The following NAA10 variants were observed in gnomAD, a reference collection of about 807,000 sequenced individuals.
NAA10 encodes N-alpha-acetyltransferase 10, NatA catalytic subunit.
NAA10 carries 6 observed loss-of-function variants against 19.2 expected under a neutral mutation model. The ratio of observed to expected loss-of-function variants is 0.31; its 90% confidence interval spans 0.17 to 0.62. The LOEUF (loss-of-function observed/expected upper bound fraction) is 0.62, where lower values mean the gene tolerates loss of function less well. Ranked by LOEUF, NAA10 falls within the 20% of genes least tolerant of loss-of-function variation. The probability of loss-of-function intolerance (pLI) is 0.83; values close to 1 mark genes in which losing one functional copy is unlikely to be tolerated. For missense variants in NAA10, 101 were observed against 198.4 expected, an observed-to-expected ratio of 0.51 and a Z score of 2.95; for synonymous variants, 97 against 79.9, an observed-to-expected ratio of 1.21 and a Z score of -1.14.
Position 153,929,995 on chromosome X carries a change from C to G in NAA10, c.700G>C (p.Ala234Pro). The G allele has an allele frequency of 8.3e-7, 1 of 1,208,920 alleles. No homozygotes were observed. The highest frequency in any genetic ancestry group is 1.1e-6 in the Non-Finnish European group (1 of 893,306). ...AGGGGATGGGGCAGGCTCTAGGAGG[C>G]TGAGTCGGAGGCCTCTGAGCTGTCC... ...VKDSSEASDS[A>P]S The change falls in exon 8 of 8, where the codon GCC becomes CCC. Residue 234 changes from alanine to proline, a missense_variant. This residue lies in a region of NAA10 where 58 missense variants were observed against 75.8 expected (regional missense o/e 0.77). Transcript: ENST00000464845.
chrX:153,934,940 G>C lies in NAA10; in HGVS notation c.-36C>G. The C allele has an allele frequency of 1.0e-6, 1 of 991,281 alleles. No homozygotes were observed. Among genetic ancestry groups the C allele is most frequent in the Non-Finnish European group, 1.3e-6 (1 of 778,029 alleles). 81.7% of individuals were successfully genotyped at this position (991,281 alleles called of 1,213,427 possible). On this transcript the variant is annotated 5_prime_UTR_variant, in exon 1 of 8. Coordinates refer to ENST00000464845, the MANE Select transcript of NAA10 (RefSeq NM_003491.4). Reference sequence around the variant, plus strand: ...GGGCTCGCGGGTCCCAGCGGATCGTGAAGGCGCAGTCAGCTGCCGCCGCGC... The same window carrying C: ...GGGCTCGCGGGTCCCAGCGGATCGTCAAGGCGCAGTCAGCTGCCGCCGCGC...
At chrX:153,934,707 G>T in intron 1 of NAA10, 177 bp downstream of exon 1, 1 of 613,928 alleles carries the variant, frequency 1.6e-6, no homozygotes, top group Non-Finnish European at 2.5e-6. Flanking sequence ...GGGAATCGCA[G>T]CCCCGGCCCC....
In NAA10 at chrX:153,929,328, G is replaced by A. The variant is rs989669280; in HGVS notation, c.*659C>T. ...CAAAATGTCAATGGGGAAACGCGGG[G>A]AATTGTACTAAAAATAAATTATTTT... On this transcript the variant is annotated 3_prime_UTR_variant, in exon 8 of 8. Transcript: ENST00000464845. 8.9e-6 allele frequency: 1 copy of A among 112,216 alleles called. No individual in the cohort carries two copies. Among genetic ancestry groups the A allele is most frequent in the Non-Finnish European group, 1.9e-5 (1 of 53,533 alleles). 9.2% of individuals were successfully genotyped at this position (112,216 alleles called of 1,213,427 possible).
At position 153,931,063 on chromosome X, in the gene NAA10, G is replaced by A. The variant is rs1381314291; in HGVS notation, c.387-216C>T. 4.5e-6 allele frequency: 5 copies of A among 1,123,409 alleles called. No homozygotes were observed. In the African/African-American group the frequency reaches 7.3e-5, roughly 16 times the overall value. 92.6% of individuals were successfully genotyped at this position (1,123,409 alleles called of 1,213,427 possible). A position where few individuals can be genotyped will look rare whatever the true frequency, so the allele number is the denominator to read the frequency against. On this transcript the variant is annotated intron_variant, in intron 6 of 7. Transcript: ENST00000464845. ...CCCACCCGTCCTGCCCCCGTTCTGT[G>A]TCCTTAGCCTGGATACTAAGGATCC...
At chrX:153,933,847 C>T in intron 3 of NAA10, 96 bp downstream of exon 3, 1 of 770,435 alleles carries the variant, frequency 1.3e-6, no homozygotes, top group South Asian at 2.3e-5. Context: ...AAACTTTCAA[C>T]TGTACTGAAA....
chrX:153,931,599 C>T, intron 6 of NAA10: 1 of 754,847 alleles, frequency 1.3e-6, no homozygotes, highest in Non-Finnish European at 1.6e-6. Context: ...CACGGGGCCT[C>T]CTGGTCCTCA....
chrX:153,935,005 C>G lies in NAA10; in HGVS notation c.-101G>C, dbSNP rs1299957392. On this transcript the variant is annotated 5_prime_UTR_variant, in exon 1 of 8. Transcript: ENST00000464845. ...GGGACGGCCGGGGCTGGGACCGGAG[C>G]TGGGCTCGCTGGGCGACGGCGGAAG... 1 of 774,644 alleles carries G rather than the reference C, an allele frequency of 1.3e-6. No individual in the cohort carries two copies. Among genetic ancestry groups the G allele is most frequent in the Non-Finnish European group, 1.6e-6 (1 of 622,910 alleles). The allele number at this position is 774,644 out of a possible 1,213,427, so 63.8% of individuals were successfully genotyped here. A position where few individuals can be genotyped will look rare whatever the true frequency, so the allele number is the denominator to read the frequency against.
chrX:153,932,201 C>G, intron 5 of NAA10, 86 bp from the exon 6 acceptor site: 1 of 1,172,980 alleles, frequency 8.5e-7, no homozygotes. Context: ...CTCCTGGTCC[C>G]TCCTTCCCCC....
chrX:153,932,214 A>T (rs1249783372), intron 5 of NAA10, 99 bp from the exon 6 acceptor site: 1 of 1,133,879 alleles, frequency 8.8e-7, no homozygotes, highest in African/African-American at 1.9e-5. Flanking sequence ...CTTCCCCCCA[A>T]TCCCACTTCC....
Position 153,930,439 on chromosome X carries a change from G to A in NAA10, c.472-216C>T, listed in dbSNP as rs138802589. On this transcript the variant is annotated intron_variant, in intron 7 of 7. Coordinates refer to ENST00000464845, the MANE Select transcript of NAA10 (RefSeq NM_003491.4). The stretch of plus-strand genomic sequence containing the variant: ...ACCATGGAGGCCCCCACGACAGAGC[G>A]CTGCCCCTTGACCAGCCCTGCCACC... 4,986 of 458,883 alleles carry A rather than the reference G, an allele frequency of 0.011. 188 individuals are homozygous for A. The highest frequency in any genetic ancestry group is 0.11 in the African/African-American group (4,335 of 41,039). The allele number at this position is 458,883 out of a possible 1,213,427, so 37.8% of individuals were successfully genotyped here.
chrX:153,932,483 C>T (rs373402350), intron 4 of NAA10, 52 bp from the exon 5 acceptor site: 8 of 1,191,483 alleles, frequency 6.7e-6, no homozygotes, highest in Non-Finnish European at 9.1e-6. Context: ...TTGAGGGCTG[C>T]CCCAACTAAC....
At chrX:153,932,457 G>A (rs782300077) in intron 4 of NAA10, 26 bp from the exon 5 acceptor site, 1 of 1,202,263 alleles carries the variant, frequency 8.3e-7, no homozygotes, top group East Asian at 3.0e-5. Context: ...CAGAGATGGG[G>A]TGAGGGACTG....
intron 7 of NAA10, chrX:153,930,543 C>A (rs1203808044): frequency 4.3e-6 from 2 of 462,794 alleles, no homozygotes; most frequent in Non-Finnish European, 7.5e-6. Flanking sequence ...GACCTCCCCA[C>A]TTCCCTTCTA....
intron 1 of NAA10, 178 bp from the exon 2 acceptor site, chrX:153,934,653 C>T (rs1444339410): frequency 8.9e-6 from 5 of 563,530 alleles, no homozygotes; most frequent in Non-Finnish European, 1.5e-5. Flanking sequence ...CCCCGGAGGT[C>T]CCCGGAGCCC....
chrX:153,932,810 G>A, intron 3 of NAA10: 1 of 438,055 alleles, frequency 2.3e-6, no homozygotes, highest in Non-Finnish European at 4.0e-6. Flanking sequence ...CCAGCTACTT[G>A]GCAGGCCGGG....
At chrX:153,930,264 A>G in intron 7 of NAA10, 41 bp from the exon 8 acceptor site, 1 of 1,135,351 alleles carries the variant, frequency 8.8e-7, no homozygotes, top group Non-Finnish European at 1.2e-6. Flanking sequence ...GCAAAGAGAC[A>G]GGGCCTAAGT....
rs1400251021 is a variant in NAA10 at position 153,935,023 on chromosome X, G to A, written c.-119C>T. 10 of 683,826 alleles carry A rather than the reference G, an allele frequency of 1.5e-5. No individual in the cohort carries two copies. Among genetic ancestry groups the A allele is most frequent in the Non-Finnish European group, 1.8e-5 (10 of 544,081 alleles). The allele number at this position is 683,826 out of a possible 1,213,427, so 56.4% of individuals were successfully genotyped here. On this transcript the variant is annotated 5_prime_UTR_variant, in exon 1 of 8. Coordinates refer to ENST00000464845, the MANE Select transcript of NAA10 (RefSeq NM_003491.4). Reference sequence around the variant, plus strand: ...ACCGGAGCTGGGCTCGCTGGGCGACGGCGGAAGGGGCGGTGCGCGCCGGGC... The same window carrying A: ...ACCGGAGCTGGGCTCGCTGGGCGACAGCGGAAGGGGCGGTGCGCGCCGGGC...
chrX:153,931,155 CCT>C, intron 6 of NAA10: 3 of 992,383 alleles, frequency 3.0e-6, no homozygotes, highest in Non-Finnish European at 3.8e-6. Flanking sequence ...TGCCCTGCGC[CCT>C]GTCCCTTACT....
At chrX:153,933,732 G>C in intron 3 of NAA10, 1 of 400,824 alleles carries the variant, frequency 2.5e-6, no homozygotes, top group Non-Finnish European at 4.3e-6. Context: ...CTTGTCACAA[G>C]TGGACCACAC....
Sources: gnomAD v4.1 joint callset for allele counts on GRCh38, gnomAD v4.1.1 for gene constraint, gnomAD v4.1.1 regional missense constraint, MANE v1.5 for transcripts, NCBI Gene and HGNC (gene_info 2026-07-23, HGNC 2026-07-21) for gene names.